CADPS2: variants seen among roughly 807,000 people sequenced by gnomAD.
CADPS2 encodes calcium dependent secretion activator 2.
CADPS2 carries 93 observed loss-of-function variants against 172.5 expected under a neutral mutation model. The ratio of observed to expected loss-of-function variants is 0.54; its 90% CI spans 0.46 to 0.64. The LOEUF (loss-of-function observed/expected upper bound fraction) is 0.64. Ranked by LOEUF, CADPS2 falls within the 30% of genes least tolerant of loss-of-function variation. The probability of loss-of-function intolerance (pLI) is 0.00; values close to 1 mark genes in which losing one functional copy is unlikely to be tolerated. For synonymous variants in CADPS2, 546 were observed against 555.2 expected, an observed-to-expected ratio of 0.98 and a Z score of 0.23; for missense variants, 1,420 against 1,565.9, an observed-to-expected ratio of 0.91 and a Z score of 1.57.
At chr7:122,688,798 G>A (rs1034444068) in intron 2 of CADPS2, among the ~76,000 whole-genome samples, 5 of 152,030 alleles carry the variant, frequency 3.3e-5, no homozygotes, top group African/African-American at 9.7e-5. Context: ...CTCTAAACTC[G>A]CTGAGTCACT....
chr7:122,642,988 T>C (rs1172093112), intron 3 of CADPS2, among the ~76,000 whole-genome samples: 1 of 152,220 alleles, frequency 6.6e-6, no homozygotes, highest in African/African-American at 2.4e-5. Context: ...GATTAGGGTT[T>C]ATGATGTTAT....
Position 122,454,975 on chromosome 7 carries a change from C to T in CADPS2, c.2187-3500G>A, listed in dbSNP as rs556593651. Reference sequence around the variant, plus strand: ...TCAGAGAACTGGCCACACACTACTCCGAGCCTCTTCAACCATCAGTCATTA... The same window carrying T: ...TCAGAGAACTGGCCACACACTACTCTGAGCCTCTTCAACCATCAGTCATTA... On this transcript the variant is annotated intron_variant, in intron 14 of 29. Transcript: ENST00000449022. 9.9e-5 allele frequency among the ~76,000 whole-genome samples: 15 copies of T among 152,242 alleles called. No homozygotes were observed. In the South Asian group the frequency reaches 2.1e-3, roughly 21 times the overall value.
At chr7:122,804,088 G>A (rs1798281000) in intron 1 of CADPS2, among the ~76,000 whole-genome samples, 1 of 151,402 alleles carries the variant, frequency 6.6e-6, no homozygotes, top group Non-Finnish European at 1.5e-5. Context: ...CTACCACACT[G>A]CTCTCTTATC....
intron 9 of CADPS2, among the ~76,000 whole-genome samples, chr7:122,500,291 G>A (rs964019081): frequency 2.0e-5 from 3 of 151,888 alleles, no homozygotes; most frequent in African/African-American, 4.8e-5. Context: ...GGCTTCCACA[G>A]TGTGTGGCAC....
At chr7:122,766,794 T>A (rs1427100701) in intron 1 of CADPS2, among the ~76,000 whole-genome samples, 1 of 151,990 alleles carries the variant, frequency 6.6e-6, no homozygotes, top group African/African-American at 2.4e-5. Flanking sequence ...AGATAAGGAG[T>A]GACAGGTAAC....
intron 3 of CADPS2, among the ~76,000 whole-genome samples, chr7:122,632,280 A>C (rs1211973772): frequency 6.6e-6 from 1 of 152,168 alleles, no homozygotes; most frequent in East Asian, 1.9e-4. Context: ...GAAATCTTTA[A>C]ACTACTTTCT....
At chr7:122,333,266 T>C (rs2035297823) in intron 28 of CADPS2, among the ~76,000 whole-genome samples, 1 of 152,228 alleles carries the variant, frequency 6.6e-6, no homozygotes, top group Non-Finnish European at 1.5e-5. Flanking sequence ...ATTGGACTCT[T>C]GGAACTGCTA....
At chr7:122,705,325 A>G (rs2086821373) in intron 2 of CADPS2, among the ~76,000 whole-genome samples, 1 of 150,600 alleles carries the variant, frequency 6.6e-6, no homozygotes, top group African/African-American at 2.4e-5. Flanking sequence ...TTTATTCAAT[A>G]CATGGACATT....
chr7:122,402,184 T>A (rs2046037695), intron 20 of CADPS2, among the ~76,000 whole-genome samples: 1 of 152,178 alleles, frequency 6.6e-6, no homozygotes, highest in Non-Finnish European at 1.5e-5. Context: ...CTGTACTCTT[T>A]AACCAACTCC....
intron 1 of CADPS2, among the ~76,000 whole-genome samples, chr7:122,770,314 T>C (rs1446704638): frequency 6.6e-6 from 1 of 152,144 alleles, no homozygotes; most frequent in Non-Finnish European, 1.5e-5. Flanking sequence ...TACAATACTG[T>C]TATAGAAAAA....
At chr7:122,677,752 A>G (rs2135723554) in intron 2 of CADPS2, among the ~76,000 whole-genome samples, 1 of 152,208 alleles carries the variant, frequency 6.6e-6, no homozygotes, top group Admixed American at 6.5e-5. Flanking sequence ...GCCCAGTCTC[A>G]CTCTAGAGCT....
intron 1 of CADPS2, among the ~76,000 whole-genome samples, chr7:122,830,840 C>G (rs973436074): frequency 1.3e-5 from 2 of 152,060 alleles, no homozygotes; most frequent in African/African-American, 4.8e-5. Context: ...TTTCCATCTG[C>G]AAATCTCTGG....
At chr7:122,591,748 A>G (rs1415757403) in intron 6 of CADPS2, among the ~76,000 whole-genome samples, 1 of 152,190 alleles carries the variant, frequency 6.6e-6, no homozygotes, top group African/African-American at 2.4e-5. Flanking sequence ...AGGATTCCCT[A>G]TTTAATAAAT....
At chr7:122,823,665 G>A (rs1156272069) in intron 1 of CADPS2, among the ~76,000 whole-genome samples, 5 of 152,108 alleles carry the variant, frequency 3.3e-5, no homozygotes, top group Non-Finnish European at 7.4e-5. Context: ...AATGGAGAAC[G>A]GATGCAATTA....
intron 2 of CADPS2, among the ~76,000 whole-genome samples, chr7:122,694,498 G>A (rs954983875): frequency 7.2e-5 from 11 of 152,192 alleles, no homozygotes; most frequent in African/African-American, 2.4e-4. Context: ...AAATCATCAC[G>A]GGACACAGTA....
At chr7:122,474,548 T>C in intron 12 of CADPS2, 31 bp from the exon 13 acceptor site, 1 of 1,600,054 alleles carries the variant, frequency 6.2e-7, no homozygotes, top group Non-Finnish European at 8.5e-7. Context: ...GTACAGTATA[T>C]TTACTTTTCA....
At chr7:122,509,206 A>G (rs1457951253) in intron 9 of CADPS2, among the ~76,000 whole-genome samples, 1 of 152,146 alleles carries the variant, frequency 6.6e-6, no homozygotes, top group Non-Finnish European at 1.5e-5. Context: ...TTCAGAAATC[A>G]ATAGGATGGG....
intron 2 of CADPS2, among the ~76,000 whole-genome samples, chr7:122,735,386 T>C (rs138372096): frequency 3.1e-4 from 47 of 152,214 alleles, no homozygotes; most frequent in Non-Finnish European, 5.7e-4. Flanking sequence ...TTTGTGCACT[T>C]TTTTTATTCA....
Position 122,665,895 on chromosome 7 carries a change from C to G in CADPS2, c.454-2326G>C, listed in dbSNP as rs142236879. Among the ~76,000 whole-genome samples, 9 of 152,246 alleles carry G rather than the reference C, an allele frequency of 5.9e-5. No individual in the cohort carries two copies. In the East Asian group the frequency reaches 1.5e-3, roughly 26 times the overall value. On this transcript the variant is annotated intron_variant, in intron 2 of 29. Transcript: ENST00000449022. ...GTTTTTAAGGCAACACAAATTAATT[C>G]TTAAGTGACAGGTATATGCATAGTG...
Sources: allele counts gnomAD v4.1 joint callset (sites outside exome capture counted in the v4.1 genomes callset), GRCh38; gene constraint gnomAD v4.1.1; transcripts MANE v1.5; gene names NCBI Gene and HGNC (gene_info 2026-07-23, HGNC 2026-07-21).